ELAVL4: variants seen among roughly 807,000 people sequenced by gnomAD.
ELAVL4 encodes ELAV-like protein 4.
In ELAVL4, 1 loss-of-function variant was observed where a neutral mutation model predicts 35.6. The observed-to-expected ratio is 0.03, with a 90% confidence interval of 0.01 to 0.13. The LOEUF (loss-of-function observed/expected upper bound fraction) is 0.13, where lower values mean the gene tolerates loss of function less well. Among genes scored for constraint, ELAVL4 ranks in the 10% least tolerant of loss-of-function variants. The pLI, the probability that ELAVL4 is intolerant of heterozygous loss-of-function variation, is 1.00. For missense variants in ELAVL4, 267 were observed against 464.9 expected, an observed-to-expected ratio of 0.57 and a Z score of 3.91; for synonymous variants, 156 against 171.0, an observed-to-expected ratio of 0.91 and a Z score of 0.69.
At chr1:50,080,013 C>T (rs559742635) in intron 1 of ELAVL4, among the ~76,000 whole-genome samples, 139 of 152,268 alleles carry the variant, frequency 9.1e-4, no homozygotes, top group Non-Finnish European at 1.4e-3. Flanking sequence ...GATTTGATTT[C>T]CTTTCCACTG....
chr1:50,139,090 G>A (rs1382702330), intron 1 of ELAVL4, among the ~76,000 whole-genome samples: 4 of 152,120 alleles, frequency 2.6e-5, no homozygotes, highest in African/African-American at 9.7e-5. Context: ...TAGGTGACTG[G>A]TTGCTTACCT....
At chr1:50,062,619 A>T (rs1414002893) in intron 1 of ELAVL4, among the ~76,000 whole-genome samples, 3 of 152,148 alleles carry the variant, frequency 2.0e-5, no homozygotes. Flanking sequence ...GAATGAGGAG[A>T]ATCATTTGTT....
At chr1:50,197,500 A>G (rs188315227) in intron 6 of ELAVL4, 33 bp downstream of exon 6, 2 of 1,535,408 alleles carry the variant, frequency 1.3e-6, no homozygotes, top group Admixed American at 4.4e-5. Context: ...CCAGATGTCC[A>G]TGTTGGCACA....
chr1:50,053,046 GT>G (rs759096166), intron 1 of ELAVL4, among the ~76,000 whole-genome samples: 11 of 152,148 alleles, frequency 7.2e-5, no homozygotes, highest in Non-Finnish European at 1.5e-4. Flanking sequence ...GTTATTCACA[GT>G]ATGTTAATTG....
At chr1:50,078,688 C>A (rs1306455743) in intron 1 of ELAVL4, among the ~76,000 whole-genome samples, 1 of 152,186 alleles carries the variant, frequency 6.6e-6, no homozygotes, top group Non-Finnish European at 1.5e-5. Flanking sequence ...GATACGATCT[C>A]TCACTGATCT....
At chr1:50,050,138 C>G (rs1024269609) in intron 1 of ELAVL4, among the ~76,000 whole-genome samples, 5 of 152,160 alleles carry the variant, frequency 3.3e-5, no homozygotes, top group African/African-American at 1.2e-4. Flanking sequence ...CCACTTTTTT[C>G]GCCATAGATA....
intron 3 of ELAVL4, among the ~76,000 whole-genome samples, chr1:50,178,429 C>A (rs1680455235): frequency 6.6e-6 from 1 of 152,146 alleles, no homozygotes; most frequent in Non-Finnish European, 1.5e-5. Context: ...CAAAGCAAAA[C>A]CTTTCTCTTT....
At chr1:50,104,058 A>G, upstream of ELAVL4, 3 of 1,596,068 alleles carry the variant, frequency 1.9e-6, no homozygotes, top group Non-Finnish European at 1.7e-6. Context: ...AATGGGTGGT[A>G]TTGATTGGCT....
At chr1:50,083,433 G>T (rs1665098151) in intron 1 of ELAVL4, among the ~76,000 whole-genome samples, 1 of 152,106 alleles carries the variant, frequency 6.6e-6, no homozygotes, top group Non-Finnish European at 1.5e-5. Flanking sequence ...GAAATTGGAA[G>T]CTTAAAGAGG....
Position 50,201,270 on chromosome 1 carries a change from A to C in ELAVL4, c.*92A>C. ...ACACACATACACGAAAGAGAGAGAA[A>C]CAAACTTTTCAAGGCTTATATTCAA... On this transcript the variant is annotated 3_prime_UTR_variant, in exon 7 of 7. Coordinates refer to ENST00000371824, the MANE Select transcript of ELAVL4 (RefSeq NM_001144774.3). This position sits in a 1 kb window ranked among gnomAD's most constrained non-coding sequence, Gnocchi z 4.3. 8 of 1,384,032 alleles carry C rather than the reference A, an allele frequency of 5.8e-6. No homozygotes were observed. Among genetic ancestry groups the C allele is most frequent in the Non-Finnish European group, 7.6e-6 (8 of 1,055,206 alleles). 85.7% of individuals were successfully genotyped at this position (1,384,032 alleles called of 1,614,324 possible).
At chr1:50,173,405 C>T (rs565278084) in intron 2 of ELAVL4, among the ~76,000 whole-genome samples, 1 of 152,306 alleles carries the variant, frequency 6.6e-6, no homozygotes, top group Admixed American at 6.5e-5. Context: ...AAAGTGTAGC[C>T]ATTATGTATA....
At chr1:50,124,573 C>T (rs1340076902) in intron 1 of ELAVL4, among the ~76,000 whole-genome samples, 1 of 152,054 alleles carries the variant, frequency 6.6e-6, no homozygotes, top group African/African-American at 2.4e-5. Flanking sequence ...TTTTATCTTA[C>T]TCATCCCTTA....
chr1:50,145,145 C>T lies in ELAVL4; in HGVS notation c.198C>T (p.Phe66=), dbSNP rs754162796. The T allele has an allele frequency of 1.5e-5, 25 of 1,613,860 alleles. No homozygotes were observed. The highest frequency in any genetic ancestry group is 4.4e-5 in the South Asian group (4 of 91,082). The change falls in exon 2 of 7, where the codon TTC becomes TTT. Residue 66 remains phenylalanine, a synonymous_variant. Coordinates refer to ENST00000371824, the MANE Select transcript of ELAVL4 (RefSeq NM_001144774.3). ...NMTQEEFRSL[F]GSIGEIESCK... ...CCCAAGAAGAATTCAGGAGTCTCTT[C>T]GGGAGCATTGGTGAAATAGAATCCT...
chr1:50,118,250 C>A (rs1668291740), intron 1 of ELAVL4, among the ~76,000 whole-genome samples: 1 of 152,008 alleles, frequency 6.6e-6, no homozygotes, highest in Admixed American at 6.6e-5. Context: ...CCTCCTTTCC[C>A]CTTGTTTTCC....
intron 2 of ELAVL4, among the ~76,000 whole-genome samples, chr1:50,157,706 T>G (rs1229524513): frequency 6.6e-6 from 1 of 152,222 alleles, no homozygotes; most frequent in East Asian, 1.9e-4. Context: ...TTTGTGAAAA[T>G]AGCGGCTGTG....
chr1:50,187,289 G>A (rs916657948), intron 3 of ELAVL4, among the ~76,000 whole-genome samples: 2 of 152,228 alleles, frequency 1.3e-5, no homozygotes, highest in African/African-American at 2.4e-5. Flanking sequence ...CACCCTTGGT[G>A]TCTAGCATAA....
chr1:50,131,500 G>A (rs1263424179), intron 1 of ELAVL4, among the ~76,000 whole-genome samples: 2 of 151,816 alleles, frequency 1.3e-5, no homozygotes, highest in Non-Finnish European at 2.9e-5. Context: ...TAAAAAAATA[G>A]AACAATGGGC....
At chr1:50,075,853 A>T (rs977768529) in intron 1 of ELAVL4, among the ~76,000 whole-genome samples, 4 of 151,952 alleles carry the variant, frequency 2.6e-5, no homozygotes, top group African/African-American at 9.7e-5. Context: ...AGAGAGAGAG[A>T]GTCTCACTCT....
upstream of ELAVL4, chr1:50,106,349 T>C (rs1351958219): frequency 1.2e-6 from 2 of 1,613,710 alleles, no homozygotes; most frequent in South Asian, 1.1e-5. Context: ...ATTACTTCTT[T>C]TAAGGGAAAT....
Sources: gnomAD v4.1 joint callset for allele counts (sites outside exome capture counted in the v4.1 genomes callset) on GRCh38, gnomAD v4.1.1 for gene constraint, Gnocchi (gnomAD v3.1) non-coding constraint, MANE v1.5 for transcripts, NCBI Gene and HGNC (gene_info 2026-07-23, HGNC 2026-07-21) for gene names.